The following CTNNA2 variants were observed in gnomAD, a reference collection of about 807,000 sequenced individuals.
CTNNA2 encodes catenin alpha-2.
In CTNNA2, 42 loss-of-function variants were observed where a neutral mutation model predicts 101.0. The ratio of observed to expected loss-of-function variants is 0.42; its 90% CI spans 0.32 to 0.54. The LOEUF is 0.54. Among genes scored for constraint, CTNNA2 ranks in the 20% least tolerant of loss-of-function variants. CTNNA2 has a pLI of 0.14. For missense variants in CTNNA2, 871 were observed against 1,223.1 expected (o/e 0.71, Z 4.29); for synonymous variants, 450 against 456.4 (o/e 0.99, Z 0.18).
At chr2:80,359,518 A>G (rs899986256) in intron 7 of CTNNA2, among the ~76,000 whole-genome samples, 1 of 152,220 alleles carries the variant, frequency 6.6e-6, no homozygotes, top group South Asian at 2.1e-4. Flanking sequence ...TGCTGTTCTC[A>G]TGACAGAGTT....
At chr2:79,279,165 A>AT (rs1675294537) in intron 2 of CTNNA2, among the ~76,000 whole-genome samples, 1 of 152,120 alleles carries the variant, frequency 6.6e-6, no homozygotes, top group Non-Finnish European at 1.5e-5. Context: ...CAAAAGATCT[A>AT]TAAAAACCCA....
intron 9 of CTNNA2, among the ~76,000 whole-genome samples, chr2:80,469,316 G>A (rs1685104912): frequency 6.6e-6 from 1 of 152,192 alleles, no homozygotes; most frequent in African/African-American, 2.4e-5. Context: ...ATTGATAATT[G>A]TTTGATAAAC....
intron 7 of CTNNA2, among the ~76,000 whole-genome samples, chr2:80,045,810 GA>G (rs775909900): frequency 2.0e-5 from 3 of 151,554 alleles, no homozygotes; most frequent in South Asian, 2.1e-4. Flanking sequence ...ACAGGCCATT[GA>G]AAAAAAATGT....
intron 1 of CTNNA2, among the ~76,000 whole-genome samples, chr2:79,594,676 C>T (rs915999023): frequency 2.6e-5 from 4 of 152,066 alleles, no homozygotes; most frequent in Non-Finnish European, 5.9e-5. Flanking sequence ...AGAAATGATA[C>T]ATTAAGAGGG....
intron 8 of CTNNA2, among the ~76,000 whole-genome samples, chr2:80,406,845 A>G (rs916625174): frequency 1.3e-4 from 19 of 151,602 alleles, no homozygotes; most frequent in South Asian, 2.1e-4. Context: ...AAAAAAAAAA[A>G]AAAGAAAAGG....
intron 7 of CTNNA2, among the ~76,000 whole-genome samples, chr2:80,126,334 C>A (rs780190000): frequency 6.6e-6 from 1 of 151,734 alleles, no homozygotes; most frequent in Non-Finnish European, 1.5e-5. Context: ...CATTGCATGA[C>A]CCCCTCCTCT....
intron 2 of CTNNA2, among the ~76,000 whole-genome samples, chr2:79,309,832 AT>A (rs1676325971): frequency 6.6e-6 from 1 of 152,110 alleles, no homozygotes; most frequent in Non-Finnish European, 1.5e-5. Flanking sequence ...GCCCACTATA[AT>A]TTTTAACACT....
At chr2:79,726,382 A>G (rs116863052) in intron 2 of CTNNA2, among the ~76,000 whole-genome samples, 4 of 152,192 alleles carry the variant, frequency 2.6e-5, no homozygotes, top group Non-Finnish European at 5.9e-5. Flanking sequence ...TTAGGAGCCC[A>G]CAGCAGGAGG....
At chr2:79,445,326 G>A (rs1280672713) in intron 4 of CTNNA2, among the ~76,000 whole-genome samples, 1 of 152,092 alleles carries the variant, frequency 6.6e-6, no homozygotes, top group Non-Finnish European at 1.5e-5. Flanking sequence ...AAAATCAAAA[G>A]TACCCAAGTT....
chr2:79,483,730 G>T (rs539151755), intron 4 of CTNNA2, among the ~76,000 whole-genome samples: 6 of 152,176 alleles, frequency 3.9e-5, no homozygotes, highest in Non-Finnish European at 8.8e-5. Context: ...TGCTGCGAAT[G>T]CTATTATTTC....
intron 3 of CTNNA2, among the ~76,000 whole-genome samples, chr2:79,768,908 G>T (rs1294055766): frequency 2.0e-5 from 3 of 152,110 alleles, no homozygotes; most frequent in Admixed American, 1.3e-4. Flanking sequence ...AGGCTGGAGT[G>T]CAGTGGCGCC....
chr2:80,436,642 C>T (rs1424048936), intron 9 of CTNNA2, among the ~76,000 whole-genome samples: 2 of 152,114 alleles, frequency 1.3e-5, no homozygotes, highest in African/African-American at 4.8e-5. Context: ...GCTCACAGTT[C>T]CAGAGGCTGG....
At chr2:79,808,662 T>A (rs2105326972) in intron 3 of CTNNA2, among the ~76,000 whole-genome samples, 1 of 152,292 alleles carries the variant, frequency 6.6e-6, no homozygotes, top group African/African-American at 2.4e-5. Flanking sequence ...TCACAACAAT[T>A]TTTTTTCCTA....
chr2:79,243,242 A>G (rs1674658032), intron 2 of CTNNA2, among the ~76,000 whole-genome samples: 2 of 152,084 alleles, frequency 1.3e-5, no homozygotes. Flanking sequence ...AGAGGTGTAC[A>G]TTAAGGCAGA....
intron 3 of CTNNA2, among the ~76,000 whole-genome samples, chr2:79,760,089 G>A (rs1006226173): frequency 6.6e-6 from 1 of 152,066 alleles, no homozygotes; most frequent in African/African-American, 2.4e-5. Flanking sequence ...GTGTGGTGTT[G>A]GACAAGTATT....
At chr2:79,501,965 CTTTT>C (rs59130555) in intron 4 of CTNNA2, among the ~76,000 whole-genome samples, 4 of 128,754 alleles carry the variant, frequency 3.1e-5, no homozygotes, top group Non-Finnish European at 3.3e-5. Context: ...GGATATTAGT[CTTTT>C]TTTTTTTTTT....
At chr2:79,231,229 T>TC (rs1674487935) in intron 2 of CTNNA2, among the ~76,000 whole-genome samples, 6 of 152,160 alleles carry the variant, frequency 3.9e-5, no homozygotes, top group Admixed American at 3.9e-4. Context: ...CTCCCAAAAT[T>TC]CCCACAAGTT....
chr2:80,332,808 C>T (rs537147805), intron 7 of CTNNA2, among the ~76,000 whole-genome samples: 1 of 152,182 alleles, frequency 6.6e-6, no homozygotes, highest in Admixed American at 6.5e-5. Flanking sequence ...TGCTATCCTC[C>T]ATCTCAGGGG....
At chr2:79,226,616 A>G (rs752797822) in intron 2 of CTNNA2, among the ~76,000 whole-genome samples, 3 of 152,178 alleles carry the variant, frequency 2.0e-5, no homozygotes, top group Non-Finnish European at 2.9e-5. Context: ...AATGCACCTC[A>G]ATCAATATAT....
Sources: gnomAD v4.1 joint callset for allele counts (sites outside exome capture counted in the v4.1 genomes callset) on GRCh38, gnomAD v4.1.1 for gene constraint, MANE v1.5 for transcripts, NCBI Gene and HGNC (gene_info 2026-07-23, HGNC 2026-07-21) for gene names.